The following SLC24A2 variants were observed in gnomAD, a reference collection of about 807,000 sequenced individuals.
SLC24A2 encodes the protein solute carrier family 24 member 2.
A neutral mutation model predicts 62.0 loss-of-function variants in SLC24A2; 36 were observed. The observed-to-expected ratio is 0.58, with a 90% CI of 0.44 to 0.77. The LOEUF is 0.77. Among genes scored for constraint, SLC24A2 ranks in the 30% least tolerant of loss-of-function variants. The probability of loss-of-function intolerance (pLI) is 0.00; values close to 1 mark genes in which losing one functional copy is unlikely to be tolerated. For synonymous variants in SLC24A2, 358 were observed against 294.0 expected (o/e 1.22, Z -2.23); for missense variants, 846 against 817.9 (o/e 1.03, Z -0.42).
chr9:20,302,609 ACTTTT>A, the SLC24A2 span, among the ~76,000 whole-genome samples: 2 of 151,922 alleles, frequency 1.3e-5, no homozygotes, highest in African/African-American at 4.8e-5. Flanking sequence ...TTTTTTTTAT[ACTTTT>A]CTTTTGGATA....
At chr9:20,019,155 A>AAGAAAGAAAGAAAGAAAGAG in the SLC24A2 span, among the ~76,000 whole-genome samples, 6 of 117,182 alleles carry the variant, frequency 5.1e-5, no homozygotes, top group Non-Finnish European at 7.4e-5. Flanking sequence ...GAAAGAAAGA[A>AAGAAAGAAAGAAAGAAAGAG]AGAGAGAGAG....
intron 4 of SLC24A2, among the ~76,000 whole-genome samples, chr9:19,612,771 G>A (rs1411772935): frequency 1.2e-4 from 18 of 152,226 alleles, no homozygotes; most frequent in Admixed American, 1.2e-3. Flanking sequence ...CACCTACTCA[G>A]GAGGCTGAGG....
chr9:19,529,546 G>C (rs1178416960), intron 8 of SLC24A2, among the ~76,000 whole-genome samples: 1 of 152,138 alleles, frequency 6.6e-6, no homozygotes, highest in African/African-American at 2.4e-5. Flanking sequence ...AGACCAAGCA[G>C]GTTTGATTAA....
chr9:19,597,531 T>TAACA (rs1836734166), intron 4 of SLC24A2, among the ~76,000 whole-genome samples: 1 of 152,318 alleles, frequency 6.6e-6, no homozygotes, highest in Non-Finnish European at 1.5e-5. Context: ...ACAGTTATCT[T>TAACA]AACATCCAAT....
At chr9:19,753,150 C>T (rs1032847302) in intron 2 of SLC24A2, among the ~76,000 whole-genome samples, 2 of 152,244 alleles carry the variant, frequency 1.3e-5, no homozygotes, top group Admixed American at 1.3e-4. Context: ...CAAAAGGCAC[C>T]GTTTGAAGTC....
the SLC24A2 span, among the ~76,000 whole-genome samples, chr9:20,244,204 A>G: frequency 3.3e-3 from 499 of 152,332 alleles, no homozygotes; most frequent in Non-Finnish European, 5.8e-3. Flanking sequence ...AAAGAAAAGA[A>G]AATATAAACT....
chr9:19,522,745 A>G (rs1833261255), intron 9 of SLC24A2, among the ~76,000 whole-genome samples: 1 of 152,064 alleles, frequency 6.6e-6, no homozygotes, highest in Non-Finnish European at 1.5e-5. Flanking sequence ...GGCTCTTAAT[A>G]CTGATTTGCT....
chr9:19,535,128 T>C (rs1351309896), intron 8 of SLC24A2, among the ~76,000 whole-genome samples: 2 of 152,166 alleles, frequency 1.3e-5, no homozygotes, highest in Admixed American at 1.3e-4. Flanking sequence ...AGCTTTTTTT[T>C]CATGTTTGCT....
chr9:19,616,288 G>A (rs1036309421), intron 4 of SLC24A2, among the ~76,000 whole-genome samples: 14 of 152,088 alleles, frequency 9.2e-5, no homozygotes, highest in African/African-American at 3.1e-4. Flanking sequence ...TGTATTTAAC[G>A]CTTTGTGTAT....
chr9:19,693,000 A>G (rs532059832), intron 2 of SLC24A2, among the ~76,000 whole-genome samples: 112 of 152,282 alleles, frequency 7.4e-4, no homozygotes, highest in African/African-American at 2.6e-3. Context: ...TCTGTCCATA[A>G]AATGGGGACA....
the SLC24A2 span, among the ~76,000 whole-genome samples, chr9:19,995,952 T>C: frequency 0.024 from 3,601 of 152,322 alleles, 77 homozygotes; most frequent in Non-Finnish European, 0.04. Flanking sequence ...AAAGGTAGAC[T>C]GGATTCTTTG....
chr9:19,978,764 A>T, the SLC24A2 span, among the ~76,000 whole-genome samples: 1 of 152,178 alleles, frequency 6.6e-6, no homozygotes, highest in Non-Finnish European at 1.5e-5. Context: ...GTGATTGAAG[A>T]GAAAACTTAT....
the SLC24A2 span, among the ~76,000 whole-genome samples, chr9:19,827,927 T>C: frequency 1.3e-5 from 2 of 152,262 alleles, no homozygotes; most frequent in Non-Finnish European, 2.9e-5. Context: ...CTCCTGAAAA[T>C]TGAGATTCAT....
chr9:19,795,263 A>G, the SLC24A2 span, among the ~76,000 whole-genome samples: 1 of 145,986 alleles, frequency 6.8e-6, no homozygotes, highest in Non-Finnish European at 1.5e-5. Flanking sequence ...GTGAGCAGGC[A>G]CCCCCCACCA....
the SLC24A2 span, among the ~76,000 whole-genome samples, chr9:19,915,772 T>C: frequency 6.6e-6 from 1 of 152,210 alleles, no homozygotes; most frequent in East Asian, 1.9e-4. Context: ...GTCCATCTTT[T>C]AATTGGGTTA....
chr9:19,771,102 G>C (rs1822672748), intron 2 of SLC24A2, among the ~76,000 whole-genome samples: 1 of 152,178 alleles, frequency 6.6e-6, no homozygotes, highest in South Asian at 2.1e-4. Context: ...TTCGGTAGTG[G>C]CATGTGGCAG....
At chr9:19,582,456 AAG>A (rs1281568374) in intron 5 of SLC24A2, among the ~76,000 whole-genome samples, 1 of 152,214 alleles carries the variant, frequency 6.6e-6, no homozygotes, top group South Asian at 2.1e-4. Flanking sequence ...GATGGGACAA[AAG>A]AGAGAAAAAG....
the SLC24A2 span, among the ~76,000 whole-genome samples, chr9:20,140,073 A>G: frequency 6.6e-6 from 1 of 152,204 alleles, no homozygotes; most frequent in African/African-American, 2.4e-5. Flanking sequence ...AAGAGAATAC[A>G]ACCCTAAGGA....
chr9:20,167,801 T>C, the SLC24A2 span, among the ~76,000 whole-genome samples: 1 of 151,762 alleles, frequency 6.6e-6, no homozygotes, highest in Non-Finnish European at 1.5e-5. Flanking sequence ...CTTACTGCAG[T>C]CTCAAATTTT....
Sources: allele counts gnomAD v4.1 joint callset (sites outside exome capture counted in the v4.1 genomes callset), GRCh38; gene constraint gnomAD v4.1.1; transcripts MANE v1.5; gene names NCBI Gene and HGNC (gene_info 2026-07-23, HGNC 2026-07-21).